The following RASGEF1B variants were observed in gnomAD, a reference collection of about 807,000 sequenced individuals.
RASGEF1B encodes the protein ras-GEF domain-containing family member 1B.
In RASGEF1B, 30 loss-of-function variants were observed where a neutral mutation model predicts 65.7. The observed-to-expected ratio is 0.46, with a 90% CI of 0.34 to 0.62. The LOEUF is 0.62. Ranked by LOEUF, RASGEF1B falls within the 20% of genes least tolerant of loss-of-function variation. The pLI is 0.01. For synonymous variants in RASGEF1B, 175 were observed against 194.8 expected, an observed-to-expected ratio of 0.90 and a Z score of 0.85; for missense variants, 495 against 580.1, an observed-to-expected ratio of 0.85 and a Z score of 1.51.
Position 81,427,733 on chromosome 4 carries a change from A to G in RASGEF1B, c.*35T>C. ...GCCAGCCCCTCCATGATCTGCAGGA[A>G]GCAGCAGCAGCAGCAGGCAGGCAGC... On this transcript the variant is annotated 3_prime_UTR_variant, in exon 14 of 14. Transcript: ENST00000264400. 3 of 1,540,110 alleles carry G rather than the reference A, an allele frequency of 1.9e-6. No individual in the cohort carries two copies. Among genetic ancestry groups the G allele is most frequent in the Non-Finnish European group, 1.8e-6 (2 of 1,128,642 alleles).
At chr4:81,438,036 A>G (rs1721694467) in intron 10 of RASGEF1B, among the ~76,000 whole-genome samples, 1 of 152,238 alleles carries the variant, frequency 6.6e-6, no homozygotes, top group Non-Finnish European at 1.5e-5. Context: ...CTTAATTCAG[A>G]GACCCAGCAA....
chr4:81,456,467 T>C lies in RASGEF1B; in HGVS notation c.438+184A>G, dbSNP rs757987435. 26 of 725,608 alleles carry C rather than the reference T, an allele frequency of 3.6e-5. No individual in the cohort carries two copies. In the East Asian group the frequency reaches 6.0e-4, roughly 17 times the overall value. The allele number at this position is 725,608 out of a possible 1,614,324, so 44.9% of individuals were successfully genotyped here. The stretch of plus-strand genomic sequence containing the variant: ...CATAAAACTCTAGATCATATCCCTT[T>C]GAAGTGGGATGGTATAATCATTCTC... On this transcript the variant is annotated intron_variant, in intron 4 of 13. Coordinates refer to ENST00000264400, the MANE Select transcript of RASGEF1B (RefSeq NM_152545.3).
chr4:81,451,626 A>C (rs1722264838), intron 4 of RASGEF1B: 1 of 152,232 alleles, frequency 6.6e-6, no homozygotes, highest in Non-Finnish European at 1.5e-5. Context: ...TTTTAAACAA[A>C]ATCTAAGTGA....
chr4:81,456,482 TA>T, intron 4 of RASGEF1B, 168 bp downstream of exon 4: 2 of 758,838 alleles, frequency 2.6e-6, no homozygotes, highest in Non-Finnish European at 4.7e-6. Flanking sequence ...TGGGATGGTA[TA>T]ATCATTCTCA....
intron 1 of RASGEF1B, among the ~76,000 whole-genome samples, chr4:81,471,529 G>T (rs994598324): frequency 3.9e-5 from 6 of 152,128 alleles, no homozygotes; most frequent in Admixed American, 3.3e-4. Context: ...GCCGGGCAGG[G>T]GCCCTCCCCC....
chr4:81,448,050 A>C lies in RASGEF1B; in HGVS notation c.654+19T>G. 6.2e-7 allele frequency: 1 copy of C among 1,605,622 alleles called. No individual in the cohort carries two copies. Among genetic ancestry groups the C allele is most frequent in the African/African-American group, 1.3e-5 (1 of 74,902 alleles). On this transcript the variant is annotated intron_variant, in intron 5 of 13. Coordinates refer to ENST00000264400, the MANE Select transcript of RASGEF1B (RefSeq NM_152545.3). ...AGCAAATCTGTGGTTGTAAAGGGCAATGATGATAACGGCCTTACCAGCTCT... is the reference window on the plus strand; with the variant it reads ...AGCAAATCTGTGGTTGTAAAGGGCACTGATGATAACGGCCTTACCAGCTCT...
At chr4:81,453,433 C>T (rs562785444) in intron 4 of RASGEF1B, 23 of 152,168 alleles carry the variant, frequency 1.5e-4, no homozygotes, top group Admixed American at 7.9e-4. Flanking sequence ...GCTAACGCAA[C>T]GTAAATGCTA....
intron 1 of RASGEF1B, among the ~76,000 whole-genome samples, chr4:81,461,504 A>G (rs1315126154): frequency 6.6e-6 from 1 of 152,228 alleles, no homozygotes; most frequent in Non-Finnish European, 1.5e-5. Context: ...CCATTCTAAC[A>G]AAGTGCTTTT....
Position 81,456,708 on chromosome 4 carries a change from A to G in RASGEF1B, c.381T>C (p.Asp127=). Residue 127 remains aspartate (D), a synonymous_variant, in exon 4 of 14, where the codon GAT becomes GAC. Transcript: ENST00000264400. ...CTTTTAAGTTTCTCATCATTCTTTC[A>G]TCCCGAAAATCATAGGGAAATGTTT... ...WTETFPYDFR[D]ERMMRNLKDL... The G allele has an allele frequency of 6.2e-7, 1 of 1,614,118 alleles. No individual in the cohort carries two copies. The highest frequency in any genetic ancestry group is 8.5e-7 in the Non-Finnish European group (1 of 1,179,972).
chr4:81,460,121 T>C (rs1722590141), intron 1 of RASGEF1B, among the ~76,000 whole-genome samples: 1 of 152,226 alleles, frequency 6.6e-6, no homozygotes. Context: ...TTTTCTCCCC[T>C]TTGTGTTAAA....
At chr4:81,433,752 A>G in intron 12 of RASGEF1B, 88 bp downstream of exon 12, 1 of 1,375,334 alleles carries the variant, frequency 7.3e-7, no homozygotes, top group Non-Finnish European at 1.0e-6. Context: ...AGGCCTCATT[A>G]CTATATGAGT....
At chr4:81,431,527 C>G (rs954275292) in intron 13 of RASGEF1B, among the ~76,000 whole-genome samples, 2 of 152,026 alleles carry the variant, frequency 1.3e-5, no homozygotes, top group Admixed American at 1.3e-4. Context: ...CCACACAAAA[C>G]CAAGTATATC....
At chr4:81,469,778 G>A (rs1722961154) in intron 1 of RASGEF1B, among the ~76,000 whole-genome samples, 2 of 152,052 alleles carry the variant, frequency 1.3e-5, no homozygotes, top group South Asian at 2.1e-4. Context: ...TGATTCCCAG[G>A]TATTAGATGT....
chr4:81,459,290 C>T, intron 2 of RASGEF1B, 42 bp downstream of exon 2: 2 of 1,445,112 alleles, frequency 1.4e-6, no homozygotes, highest in Non-Finnish European at 1.9e-6. Flanking sequence ...GCAATTTCTA[C>T]TCATTGCCAA....
intron 4 of RASGEF1B, chr4:81,453,396 T>G (rs1350605337): frequency 6.6e-6 from 1 of 152,214 alleles, no homozygotes; most frequent in African/African-American, 2.4e-5. Flanking sequence ...CTGTATACTT[T>G]AAATCATCTC....
chr4:81,427,546 A>G lies in RASGEF1B; in HGVS notation c.*222T>C, dbSNP rs529474201. 2.6e-5 allele frequency: 13 copies of G among 496,354 alleles called. No individual in the cohort carries two copies. The highest frequency in any genetic ancestry group is 1.1e-4 in the Admixed American group (3 of 26,686). 30.7% of individuals were successfully genotyped at this position (496,354 alleles called of 1,614,324 possible). ...AGAGGATTCTTTCTCAAGTGTCTTCAGTGAACATTTCAGTCTCACAAAATC... is the reference window on the plus strand; with the variant it reads ...AGAGGATTCTTTCTCAAGTGTCTTCGGTGAACATTTCAGTCTCACAAAATC... On this transcript the variant is annotated 3_prime_UTR_variant, in exon 14 of 14. Transcript: ENST00000264400.
At chr4:81,434,525 A>C in intron 11 of RASGEF1B, 114 bp downstream of exon 11, 1 of 703,996 alleles carries the variant, frequency 1.4e-6, no homozygotes, top group Non-Finnish European at 2.6e-6. Context: ...GGAAAGAGAT[A>C]ATTTGTTCTG....
rs184181884 is a variant in RASGEF1B, at chr4:81,447,237, C to T, written c.729+267G>A. ...CTATTTTCATCACCACAAATGCCTG[C>T]ATCTACTTGCTGTAAAGGTCTTACT... On this transcript the variant is annotated intron_variant, in intron 6 of 13. Transcript: ENST00000264400. Among the ~76,000 whole-genome samples the T allele has an allele frequency of 1.1e-3, 164 of 152,242 alleles. 2 individuals are homozygous for T. The highest frequency in any genetic ancestry group is 9.9e-3 in the Admixed American group (151 of 15,286).
rs1560709428 is a variant in RASGEF1B at position 81,459,300 on chromosome 4, AG to A, written c.177+31del. ...GTACTGCAATTTCTACTCATTGCCA[AG>A]GATGTGTTTCAGAGAAACATGAATA... On this transcript the variant is annotated intron_variant, in intron 2 of 13. Transcript: ENST00000264400. The A allele has an allele frequency of 4.0e-6, 6 of 1,505,860 alleles. No homozygotes were observed. The South Asian group carries it at 8.0e-5, about 20-fold the overall frequency. The allele number at this position is 1,505,860 out of a possible 1,614,324, so 93.3% of individuals were successfully genotyped here. A position where few individuals can be genotyped will look rare whatever the true frequency, so the allele number is the denominator to read the frequency against.
Sources: allele counts gnomAD v4.1 joint callset (sites outside exome capture counted in the v4.1 genomes callset), GRCh38; gene constraint gnomAD v4.1.1; transcripts MANE v1.5; gene names NCBI Gene and HGNC (gene_info 2026-07-23, HGNC 2026-07-21).